Variants in TTLL11 observed in about 807,000 individuals in gnomAD.
TTLL11 encodes the protein tubulin tyrosine ligase like 11.
In TTLL11, 42 loss-of-function variants were observed where a neutral mutation model predicts 51.7. That is an observed-to-expected ratio of 0.81 (90% CI 0.64 to 1.05). The LOEUF (loss-of-function observed/expected upper bound fraction) is 1.05. TTLL11 is among the 50% of genes least tolerant of loss of function. TTLL11 has a pLI of 0.00. For synonymous variants in TTLL11, 381 were observed against 383.5 expected, an observed-to-expected ratio of 0.99 and a Z score of 0.08; for missense variants, 799 against 940.4, an observed-to-expected ratio of 0.85 and a Z score of 1.97.
intron 6 of TTLL11, among the ~76,000 whole-genome samples, chr9:121,905,109 G>T (rs528598768): frequency 2.6e-5 from 4 of 152,218 alleles, no homozygotes; most frequent in South Asian, 2.1e-4. Flanking sequence ...AGTTGCGGGG[G>T]TTCTCTGTAA....
At chr9:121,835,898 CT>C (rs1350980696) in intron 8 of TTLL11, among the ~76,000 whole-genome samples, 1 of 152,192 alleles carries the variant, frequency 6.6e-6, no homozygotes, top group African/African-American at 2.4e-5. Flanking sequence ...CCTATAGAAC[CT>C]TTGGAGGCTC....
In TTLL11 at chr9:121,942,280, G is replaced by C. The variant is rs1841505499; in HGVS notation, c.1481+31729C>G. ...CAGATTTTCCCTCAGCTCCTTGCATGTCCTCTCTGACACTCAGGTCTCAAT... is the reference window on the plus strand; with the variant it reads ...CAGATTTTCCCTCAGCTCCTTGCATCTCCTCTCTGACACTCAGGTCTCAAT... On this transcript the variant is annotated intron_variant, in intron 6 of 8. Transcript: ENST00000321582. 2.0e-5 allele frequency among the ~76,000 whole-genome samples: 3 copies of C among 152,180 alleles called. No individual in the cohort carries two copies. The South Asian group carries it at 6.2e-4, about 32-fold the overall frequency.
At position 121,817,883 on chromosome 9, in the gene TTLL11, T is replaced by C. The variant is rs1159412629; in HGVS notation, c.*4704A>G. 2.6e-5 allele frequency: 4 copies of C among 152,228 alleles called. No homozygotes were observed. Among genetic ancestry groups the C allele is most frequent in the African/African-American group, 9.7e-5 (4 of 41,424 alleles). The allele number at this position is 152,228 out of a possible 1,614,324, so 9.4% of individuals were successfully genotyped here. On this transcript the variant is annotated 3_prime_UTR_variant, in exon 9 of 9. Transcript: ENST00000321582. ...ACAGAGTGCCAGTGATCCTCATCCT[T>C]GGTGGGTTGGATGGATCTAGAAGTG...
intron 6 of TTLL11, among the ~76,000 whole-genome samples, chr9:121,899,365 G>GTGTATATATACATATA (rs1226221957): frequency 1.8e-5 from 2 of 113,242 alleles, no homozygotes; most frequent in African/African-American, 3.3e-5. Flanking sequence ...ATGTGTGTGT[G>GTGTATATATACATATA]TATATATATA....
chr9:121,876,666 G>A (rs1041683394), intron 6 of TTLL11, among the ~76,000 whole-genome samples: 3 of 152,214 alleles, frequency 2.0e-5, no homozygotes, highest in African/African-American at 7.2e-5. Context: ...GAATAAATCT[G>A]CCAGCACTAT....
intron 1 of TTLL11, among the ~76,000 whole-genome samples, chr9:122,089,985 T>C (rs568715632): frequency 6.6e-6 from 1 of 151,862 alleles, no homozygotes; most frequent in East Asian, 1.9e-4. Flanking sequence ...AGAATAAACA[T>C]CTCCACCTAT....
rs567684655 is a variant in TTLL11 at position 122,002,564 on chromosome 9, A to C, written c.694-12794T>G. Among the ~76,000 whole-genome samples the C allele has an allele frequency of 8.5e-5, 13 of 152,306 alleles. No homozygotes were observed. The East Asian group carries it at 1.9e-3, about 23-fold the overall frequency. On this transcript the variant is annotated intron_variant, in intron 3 of 8. Transcript: ENST00000321582. ...CAGGATACTCTCATCTCAGCATGACAAAGCTCTTTAGTTTGCTCTTAGATG... is the reference window on the plus strand; with the variant it reads ...CAGGATACTCTCATCTCAGCATGACCAAGCTCTTTAGTTTGCTCTTAGATG...
At chr9:122,086,880 C>G (rs1846141813) in intron 1 of TTLL11, among the ~76,000 whole-genome samples, 1 of 152,188 alleles carries the variant, frequency 6.6e-6, no homozygotes, top group Admixed American at 6.5e-5. Context: ...CTGTTTGAAC[C>G]CTGACTTTCT....
intron 8 of TTLL11, among the ~76,000 whole-genome samples, chr9:121,847,046 T>C: frequency 6.6e-6 from 1 of 151,994 alleles, no homozygotes; most frequent in South Asian, 2.1e-4. Flanking sequence ...CCATCTCTAC[T>C]AAAAATACAA....
intron 6 of TTLL11, among the ~76,000 whole-genome samples, chr9:121,914,598 T>C (rs956059453): frequency 6.6e-6 from 1 of 152,164 alleles, no homozygotes; most frequent in Non-Finnish European, 1.5e-5. Context: ...TATAGATCAC[T>C]CAGGCCTTCC....
intron 8 of TTLL11, among the ~76,000 whole-genome samples, chr9:121,842,360 C>T (rs1170342967): frequency 6.6e-6 from 1 of 152,024 alleles, no homozygotes; most frequent in African/African-American, 2.4e-5. Context: ...TGGGCTCAAG[C>T]AATCCTCCTG....
rs916381524 is a variant in TTLL11 at position 121,974,116 on chromosome 9, T to C, written c.1374A>G (p.Pro458=). Residue 458 remains proline, a synonymous_variant, in exon 6 of 9, where the codon CCA becomes CCG. Coordinates refer to ENST00000321582, the MANE Select transcript of TTLL11 (RefSeq NM_001139442.2). ...GGCTGGGGACATTTTCAAACACCCC[T>C]GGAGAAAGCTTGAACGGGTAAGGAT... ...MRIEHEHELS[P]GVFENVPSLV... 9.0e-6 allele frequency: 14 copies of C among 1,551,138 alleles called. No homozygotes were observed. Among genetic ancestry groups the C allele is most frequent in the Non-Finnish European group, 1.0e-5 (12 of 1,146,784 alleles).
intron 1 of TTLL11, among the ~76,000 whole-genome samples, chr9:122,044,193 C>A (rs1333726543): frequency 6.6e-6 from 1 of 151,810 alleles, no homozygotes; most frequent in South Asian, 2.1e-4. Flanking sequence ...TGAACTCATC[C>A]TTTTTTATGG....
chr9:121,915,232 T>C (rs1044505367), intron 6 of TTLL11, among the ~76,000 whole-genome samples: 3 of 152,216 alleles, frequency 2.0e-5, no homozygotes, highest in African/African-American at 7.2e-5. Context: ...TGTGCATGCA[T>C]GTGTAATTGT....
chr9:121,976,893 C>G (rs749932051), intron 4 of TTLL11, among the ~76,000 whole-genome samples: 1 of 152,146 alleles, frequency 6.6e-6, no homozygotes, highest in African/African-American at 2.4e-5. Flanking sequence ...AGTGATGAGG[C>G]CTTTTAGAGA....
chr9:121,835,065 G>A (rs1837147251), intron 8 of TTLL11, among the ~76,000 whole-genome samples: 1 of 152,166 alleles, frequency 6.6e-6, no homozygotes, highest in South Asian at 2.1e-4. Context: ...CTTTGAACTG[G>A]TCACTTTCCC....
chr9:122,022,406 T>A (rs974253685), intron 3 of TTLL11, among the ~76,000 whole-genome samples: 1 of 151,808 alleles, frequency 6.6e-6, no homozygotes, highest in Non-Finnish European at 1.5e-5. Context: ...GAATGTTATA[T>A]AAAGAAGATC....
intron 1 of TTLL11, among the ~76,000 whole-genome samples, chr9:122,044,996 C>T (rs1386234499): frequency 6.6e-6 from 1 of 151,938 alleles, no homozygotes; most frequent in Non-Finnish European, 1.5e-5. Flanking sequence ...GTCCCAACTA[C>T]TCGGGAAGCT....
At chr9:121,915,749 T>G (rs1344670399) in intron 6 of TTLL11, among the ~76,000 whole-genome samples, 4 of 152,184 alleles carry the variant, frequency 2.6e-5, no homozygotes, top group Non-Finnish European at 4.4e-5. Context: ...AATAAAATGT[T>G]GGCTACTTTA....
Sources: gnomAD v4.1 joint callset for allele counts (sites outside exome capture counted in the v4.1 genomes callset) on GRCh38, gnomAD v4.1.1 for gene constraint, MANE v1.5 for transcripts, NCBI Gene and HGNC (gene_info 2026-07-23, HGNC 2026-07-21) for gene names.